The following DACH2 variants were observed in gnomAD, a reference collection of about 807,000 sequenced individuals.
DACH2 encodes the protein dachshund family transcription factor 2, also known as dachshund homolog 2.
A neutral mutation model predicts 35.8 loss-of-function variants in DACH2; 17 were observed. That is an observed-to-expected ratio of 0.48 (90% CI 0.33 to 0.71). The LOEUF (loss-of-function observed/expected upper bound fraction) is 0.71, where lower values mean the gene tolerates loss of function less well. Ranked by LOEUF, DACH2 falls within the 30% of genes least tolerant of loss-of-function variation. The probability of loss-of-function intolerance (pLI) is 0.02; values close to 1 mark genes in which losing one functional copy is unlikely to be tolerated. For synonymous variants in DACH2, 195 were observed against 177.3 expected, an observed-to-expected ratio of 1.10 and a Z score of -0.79; for missense variants, 469 against 472.7, an observed-to-expected ratio of 0.99 and a Z score of 0.07.
chrX:86,478,703 C>T (rs1323067086), intron 2 of DACH2, among the ~76,000 whole-genome samples: 1 of 108,981 alleles, frequency 9.2e-6, no homozygotes. Flanking sequence ...TCTTTGATGC[C>T]CTGCTGCTCA....
intron 5 of DACH2, among the ~76,000 whole-genome samples, chrX:86,713,791 A>G (rs2041304834): frequency 9.0e-6 from 1 of 111,725 alleles, no homozygotes; most frequent in Non-Finnish European, 1.9e-5. Context: ...ATGATGGCAA[A>G]CCTGTGGCTG....
At chrX:86,262,641 C>CAAAAAA (rs34823649) in intron 1 of DACH2, among the ~76,000 whole-genome samples, 2 of 102,462 alleles carry the variant, frequency 2.0e-5, no homozygotes, top group African/African-American at 7.1e-5. Context: ...TAATCTGCTC[C>CAAAAAA]AAAAAAAAAA....
intron 3 of DACH2, among the ~76,000 whole-genome samples, chrX:86,546,342 T>TCC (rs2038957586): frequency 2.4e-5 from 2 of 81,902 alleles, no homozygotes; most frequent in African/African-American, 1.1e-4. Flanking sequence ...CTTCTTCCTC[T>TCC]TCTTCTTCTT....
At chrX:86,203,772 A>C (rs1487388725) in intron 1 of DACH2, among the ~76,000 whole-genome samples, 1 of 111,806 alleles carries the variant, frequency 8.9e-6, no homozygotes, top group Non-Finnish European at 1.9e-5. Context: ...ATTACTCTTC[A>C]ACAGATAGCA....
chrX:86,459,081 G>A (rs935075190), intron 2 of DACH2, among the ~76,000 whole-genome samples: 6 of 111,458 alleles, frequency 5.4e-5, no homozygotes, highest in Non-Finnish European at 1.1e-4. Flanking sequence ...AAAAACAAAA[G>A]AAGTGTTTTT....
chrX:86,333,559 A>T (rs1407820278), intron 1 of DACH2, among the ~76,000 whole-genome samples: 1 of 111,810 alleles, frequency 8.9e-6, no homozygotes, highest in Non-Finnish European at 1.9e-5. Context: ...AAGTCCAAAC[A>T]TAGGCAAAAA....
At chrX:86,769,967 G>T (rs1334937795) in intron 7 of DACH2, among the ~76,000 whole-genome samples, 1 of 104,894 alleles carries the variant, frequency 9.5e-6, no homozygotes, top group Admixed American at 1.0e-4. Context: ...TTCGCAACCA[G>T]ACTGGGCAAC....
intron 3 of DACH2, among the ~76,000 whole-genome samples, chrX:86,609,131 A>C (rs1281142480): frequency 3.6e-5 from 4 of 111,412 alleles, no homozygotes; most frequent in Middle Eastern, 4.2e-3. Context: ...AGGCTATTTT[A>C]TAGATCCTAT....
intron 3 of DACH2, among the ~76,000 whole-genome samples, chrX:86,542,602 C>G (rs980670036): frequency 9.0e-6 from 1 of 111,528 alleles, no homozygotes; most frequent in Admixed American, 9.6e-5. Context: ...CTAAATAAAC[C>G]TGTTTTCTTT....
chrX:86,427,579 T>A (rs1413094423), intron 2 of DACH2, among the ~76,000 whole-genome samples: 1 of 111,412 alleles, frequency 9.0e-6, no homozygotes, highest in East Asian at 2.8e-4. Flanking sequence ...TACTTGGAAA[T>A]GCTCTAAACT....
At chrX:86,376,422 G>A (rs896248456) in intron 1 of DACH2, among the ~76,000 whole-genome samples, 31 of 110,199 alleles carry the variant, frequency 2.8e-4, no homozygotes, top group African/African-American at 1.0e-3. Context: ...GCTCTTGAGA[G>A]AGAGGGAAAA....
intron 3 of DACH2, among the ~76,000 whole-genome samples, chrX:86,565,472 CGGG>C (rs750052019): frequency 9.0e-6 from 1 of 111,278 alleles, no homozygotes; most frequent in Non-Finnish European, 1.9e-5. Flanking sequence ...ACATTGGCAG[CGGG>C]GCCCAGCAGT....
Position 86,676,390 on chromosome X carries a change from A to C in DACH2, c.773-18631A>C, listed in dbSNP as rs1472260188. On this transcript the variant is annotated intron_variant, in intron 4 of 11. Transcript: ENST00000373125. ...GGAATTCTGAATCCCTTTGTAAACT[A>C]AAGGCTCTGTCTTTGATTTATCTGT... Among the ~76,000 whole-genome samples, 4 of 111,646 alleles carry C rather than the reference A, an allele frequency of 3.6e-5. No individual in the cohort carries two copies. The South Asian group carries it at 1.5e-3, about 42-fold the overall frequency.
At chrX:86,435,571 A>T (rs887713743) in intron 2 of DACH2, among the ~76,000 whole-genome samples, 1 of 111,956 alleles carries the variant, frequency 8.9e-6, no homozygotes. Flanking sequence ...TTTCAAAAAA[A>T]TTTCCCAACT....
At chrX:86,701,692 A>T in intron 5 of DACH2, among the ~76,000 whole-genome samples, 1 of 112,161 alleles carries the variant, frequency 8.9e-6, no homozygotes, top group Admixed American at 9.5e-5. Flanking sequence ...GCCATAAAAC[A>T]GAATTAGATC....
intron 7 of DACH2, among the ~76,000 whole-genome samples, chrX:86,777,415 G>A (rs1222572950): frequency 1.8e-5 from 2 of 111,003 alleles, no homozygotes; most frequent in Admixed American, 1.9e-4. Context: ...AATCCCTAGA[G>A]AAGAGGGTTA....
chrX:86,720,888 G>A (rs766400991), intron 6 of DACH2, among the ~76,000 whole-genome samples: 1 of 112,702 alleles, frequency 8.9e-6, no homozygotes, highest in South Asian at 3.7e-4. Context: ...TGAAATGTAG[G>A]CAGAGGTCCC....
chrX:86,468,193 G>A (rs1485172707), intron 2 of DACH2, among the ~76,000 whole-genome samples: 2 of 111,680 alleles, frequency 1.8e-5, no homozygotes, highest in African/African-American at 3.2e-5. Context: ...TTTGGGTTAA[G>A]TTATCAATGC....
chrX:86,646,845 A>G (rs1366267694), intron 3 of DACH2, among the ~76,000 whole-genome samples: 3 of 109,411 alleles, frequency 2.7e-5, no homozygotes, highest in Non-Finnish European at 5.7e-5. Flanking sequence ...AAATAAATAT[A>G]TATATAGGCA....
Sources: gnomAD v4.1 joint callset for allele counts (sites outside exome capture counted in the v4.1 genomes callset) on GRCh38, gnomAD v4.1.1 for gene constraint, MANE v1.5 for transcripts, NCBI Gene and HGNC (gene_info 2026-07-23, HGNC 2026-07-21) for gene names.